The following KDM5A variants were observed in gnomAD, a reference collection of about 807,000 sequenced individuals.
The protein encoded by KDM5A is lysine demethylase 5A.
KDM5A carries 42 observed loss-of-function variants against 193.5 expected under a neutral mutation model. That is an observed-to-expected ratio of 0.22 (90% CI 0.17 to 0.28). The LOEUF is 0.28. Ranked by LOEUF, KDM5A falls within the 10% of genes least tolerant of loss-of-function variation. The pLI is 1.00. For synonymous variants in KDM5A, 796 were observed against 718.1 expected, an observed-to-expected ratio of 1.11 and a Z score of -1.73; for missense variants, 1,692 against 2,055.1, an observed-to-expected ratio of 0.82 and a Z score of 3.42.
At chr12:319,124 C>T (rs965568231) in intron 18 of KDM5A, among the ~76,000 whole-genome samples, 1 of 152,190 alleles carries the variant, frequency 6.6e-6, no homozygotes, top group Admixed American at 6.5e-5. Context: ...TTCTAGGTTA[C>T]AATGAGTTTG....
Position 318,093 on chromosome 12 carries a change from A to G in KDM5A, c.2897+13T>C. 6.2e-7 allele frequency: 1 copy of G among 1,603,582 alleles called. No individual in the cohort carries two copies. Among genetic ancestry groups the G allele is most frequent in the Non-Finnish European group, 8.5e-7 (1 of 1,170,464 alleles). On this transcript the variant is annotated intron_variant, in intron 19 of 27. Coordinates refer to ENST00000399788, the MANE Select transcript of KDM5A (RefSeq NM_001042603.3). ...AGTTGTTAAAGAGGCAACTGTCACC[A>G]AAATGTGTTCACCTTGCCTGTAGGC...
At chr12:369,573 T>C (rs182998855) in intron 3 of KDM5A, among the ~76,000 whole-genome samples, 4 of 152,222 alleles carry the variant, frequency 2.6e-5, no homozygotes, top group Admixed American at 2.6e-4. Context: ...TATTAAACGA[T>C]TGCAAAAAGC....
In KDM5A at chr12:354,247, A is replaced by T. The variant is rs894982319; in HGVS notation, c.871-13T>A. 6.4e-7 allele frequency: 1 copy of T among 1,569,240 alleles called. No homozygotes were observed. Among genetic ancestry groups the T allele is most frequent in the Non-Finnish European group, 8.7e-7 (1 of 1,143,902 alleles). Reference sequence around the variant, plus strand: ...CATAGAGATCAACCTGTTAAAAAAAAAATAAATGAAAGTCTATTTTCTATA... The same window carrying T: ...CATAGAGATCAACCTGTTAAAAAAATAATAAATGAAAGTCTATTTTCTATA... On this transcript the variant is annotated splice_polypyrimidine_tract_variant and intron_variant, in intron 7 of 27. Coordinates refer to ENST00000399788, the MANE Select transcript of KDM5A (RefSeq NM_001042603.3).
At chr12:342,270 G>T (rs1005372516) in intron 10 of KDM5A, among the ~76,000 whole-genome samples, 3 of 152,128 alleles carry the variant, frequency 2.0e-5, no homozygotes, top group Middle Eastern at 3.4e-3. Context: ...ATTATAGGGG[G>T]AAAGAAAAAG....
intron 16 of KDM5A, 96 bp downstream of exon 16, chr12:322,986 T>C: frequency 1.4e-5 from 22 of 1,528,116 alleles, no homozygotes; most frequent in Non-Finnish European, 2.0e-5. Context: ...GCCTAGGATT[T>C]TTCTTTTACG....
chr12:353,953 A>C lies in KDM5A; in HGVS notation c.1029+123T>G, dbSNP rs1318368401. 3.8e-6 allele frequency: 3 copies of C among 780,874 alleles called. No individual in the cohort carries two copies. The East Asian group carries it at 8.1e-5, about 21-fold the overall frequency. The allele number at this position is 780,874 out of a possible 1,614,324, so 48.4% of individuals were successfully genotyped here. On this transcript the variant is annotated intron_variant, in intron 8 of 27. Coordinates refer to ENST00000399788, the MANE Select transcript of KDM5A (RefSeq NM_001042603.3). The stretch of plus-strand genomic sequence containing the variant: ...AAAAAAAAAGTCCTGGAAATTTTAA[A>C]CACTACATAATGAAGACAGAATGAC...
chr12:371,203 A>G (rs888725852), intron 3 of KDM5A, among the ~76,000 whole-genome samples: 2 of 152,236 alleles, frequency 1.3e-5, no homozygotes, highest in Admixed American at 1.3e-4. Context: ...TGTTTTCCAC[A>G]ATGGTTGAAC....
intron 10 of KDM5A, among the ~76,000 whole-genome samples, chr12:344,111 T>C (rs1176139347): frequency 1.3e-5 from 2 of 152,132 alleles, no homozygotes; most frequent in African/African-American, 4.8e-5. Context: ...GAGAACTTCA[T>C]TACACATGCA....
intron 22 of KDM5A, among the ~76,000 whole-genome samples, chr12:308,878 AAC>A (rs1384740548): frequency 6.6e-6 from 1 of 152,212 alleles, no homozygotes; most frequent in Non-Finnish European, 1.5e-5. Context: ...TAGTAATCTT[AAC>A]ACATTCCTCC....
intron 15 of KDM5A, 24 bp from the exon 16 acceptor site, chr12:323,230 A>G (rs756215330): frequency 5.8e-5 from 88 of 1,504,694 alleles, no homozygotes; most frequent in Middle Eastern, 4.5e-4. Flanking sequence ...AAAAAAAAAA[A>G]AAAAAAAAAG....
At position 334,545 on chromosome 12, in the gene KDM5A, T is replaced by C. The variant is rs370366068; in HGVS notation, c.1309-123A>G. The C allele has an allele frequency of 2.4e-5, 17 of 711,280 alleles. No homozygotes were observed. The East Asian group carries it at 4.6e-4, about 19-fold the overall frequency. 44.1% of individuals were successfully genotyped at this position (711,280 alleles called of 1,614,324 possible). On this transcript the variant is annotated intron_variant, in intron 10 of 27. Transcript: ENST00000399788. ...TTATAATAGTCTAGTGCATACAATC[T>C]GTGCTCTTTGCTATCCACTACATGT...
intron 10 of KDM5A, among the ~76,000 whole-genome samples, chr12:334,655 C>A (rs1351592972): frequency 6.6e-6 from 1 of 152,022 alleles, no homozygotes; most frequent in African/African-American, 2.4e-5. Context: ...CTGGTTTACT[C>A]CAAAGCACAT....
In KDM5A at chr12:376,779, T is replaced by TA. The variant is rs537112606; in HGVS notation, c.366+7251dup. ...CAGTCTTCTACTTAAAAGCTCCCTCTAAAAAAATCCACTAAAAAGACAGGA... is the reference window on the plus strand; with the variant it reads ...CAGTCTTCTACTTAAAAGCTCCCTCTAAAAAAAATCCACTAAAAAGACAGGA... On this transcript the variant is annotated intron_variant, in intron 3 of 27. Transcript: ENST00000399788. Among the ~76,000 whole-genome samples, 1,262 of 152,108 alleles carry TA rather than the reference T, an allele frequency of 8.3e-3. 19 individuals are homozygous for TA. The highest frequency in any genetic ancestry group is 0.029 in the African/African-American group (1,205 of 41,490).
intron 3 of KDM5A, among the ~76,000 whole-genome samples, chr12:378,773 A>G (rs994882532): frequency 1.3e-5 from 2 of 150,600 alleles, no homozygotes; most frequent in African/African-American, 4.9e-5. Flanking sequence ...CCTGGCTAAC[A>G]GGGTGAAACC....
At chr12:367,387 A>G (rs1444589454) in intron 3 of KDM5A, among the ~76,000 whole-genome samples, 1 of 151,784 alleles carries the variant, frequency 6.6e-6, no homozygotes, top group Non-Finnish European at 1.5e-5. Flanking sequence ...CCCCATCTCT[A>G]CAAAAAAATT....
At chr12:347,258 A>G (rs1163314797) in intron 10 of KDM5A, among the ~76,000 whole-genome samples, 1 of 152,202 alleles carries the variant, frequency 6.6e-6, no homozygotes, top group African/African-American at 2.4e-5. Context: ...CAACGAAATA[A>G]AAGAGGACAC....
intron 27 of KDM5A, among the ~76,000 whole-genome samples, chr12:290,890 A>C (rs1673271736): frequency 6.6e-6 from 1 of 152,180 alleles, no homozygotes; most frequent in African/African-American, 2.4e-5. Flanking sequence ...TTATAGAAAG[A>C]ATGTCAGGAA....
intron 5 of KDM5A, among the ~76,000 whole-genome samples, chr12:360,099 C>A (rs1464952469): frequency 3.3e-5 from 5 of 151,988 alleles, no homozygotes. Flanking sequence ...ATGGTGAAAC[C>A]CTGTCTCTAC....
intron 3 of KDM5A, among the ~76,000 whole-genome samples, chr12:379,343 C>G (rs965899818): frequency 2.0e-5 from 3 of 152,054 alleles, no homozygotes; most frequent in Non-Finnish European, 4.4e-5. Context: ...AATAGTCACC[C>G]AATGATAAAG....
Sources: gnomAD v4.1 joint callset for allele counts (sites outside exome capture counted in the v4.1 genomes callset) on GRCh38, gnomAD v4.1.1 for gene constraint, MANE v1.5 for transcripts, NCBI Gene and HGNC (gene_info 2026-07-23, HGNC 2026-07-21) for gene names.